Variants in OSBPL1A observed in about 807,000 individuals in gnomAD.
OSBPL1A encodes oxysterol-binding protein-related protein 1.
In OSBPL1A, 80 loss-of-function variants were observed where a neutral mutation model predicts 137.1. The ratio of observed to expected loss-of-function variants is 0.58; its 90% CI spans 0.49 to 0.70. OSBPL1A has a LOEUF of 0.70. OSBPL1A is among the 30% of genes least tolerant of loss of function. OSBPL1A has a pLI of 0.00. For synonymous variants in OSBPL1A, 365 were observed against 389.7 expected, an observed-to-expected ratio of 0.94 and a Z score of 0.75; for missense variants, 970 against 1,129.4, an observed-to-expected ratio of 0.86 and a Z score of 2.02.
At chr18:24,172,709 C>T (rs2086320493) in intron 21 of OSBPL1A, among the ~76,000 whole-genome samples, 1 of 152,120 alleles carries the variant, frequency 6.6e-6, no homozygotes, top group Non-Finnish European at 1.5e-5. Flanking sequence ...AAATTCTATA[C>T]TTCCACCAAA....
intron 15 of OSBPL1A, among the ~76,000 whole-genome samples, chr18:24,244,464 C>T (rs2088821782): frequency 6.6e-6 from 1 of 152,120 alleles, no homozygotes; most frequent in South Asian, 2.1e-4. Context: ...GAATATACAC[C>T]CTCAGTCCAA....
chr18:24,244,760 T>C (rs978790758), intron 15 of OSBPL1A, among the ~76,000 whole-genome samples: 5 of 152,220 alleles, frequency 3.3e-5, no homozygotes, highest in African/African-American at 9.6e-5. Flanking sequence ...ATGCAGAGTT[T>C]TGAAAACAGT....
chr18:24,389,215 C>T (rs1200804220), intron 1 of OSBPL1A, among the ~76,000 whole-genome samples: 1 of 152,096 alleles, frequency 6.6e-6, no homozygotes, highest in Non-Finnish European at 1.5e-5. Context: ...CAATTCCAAG[C>T]TCTGTTTTTA....
Position 24,165,253 on chromosome 18 carries a change from A to C in OSBPL1A, c.2660-98T>G, listed in dbSNP as rs901538615. The stretch of plus-strand genomic sequence containing the variant: ...AACTTCACAAAAGAACCATATCTAC[A>C]TGTTATCTCCCTTTTATTAGAACAC... On this transcript the variant is annotated intron_variant, in intron 26 of 27. Transcript: ENST00000319481. 2.8e-6 allele frequency: 3 copies of C among 1,060,464 alleles called. No individual in the cohort carries two copies. In the African/African-American group the frequency reaches 4.8e-5, roughly 17 times the overall value. The allele number at this position is 1,060,464 out of a possible 1,614,324, so 65.7% of individuals were successfully genotyped here.
chr18:24,298,769 G>A (rs2090344136), intron 14 of OSBPL1A, among the ~76,000 whole-genome samples: 1 of 152,162 alleles, frequency 6.6e-6, no homozygotes, highest in African/African-American at 2.4e-5. Context: ...TGTAGTTTAA[G>A]GCCATTGTTT....
chr18:24,197,535 T>C (rs1359570167), intron 17 of OSBPL1A, among the ~76,000 whole-genome samples: 2 of 152,174 alleles, frequency 1.3e-5, no homozygotes, highest in African/African-American at 4.8e-5. Flanking sequence ...GGAATTCTTC[T>C]AGTTTCTTTT....
chr18:24,366,889 C>G lies in OSBPL1A; in HGVS notation c.282+3G>C, dbSNP rs776591503. 3 of 1,609,088 alleles carry G rather than the reference C, an allele frequency of 1.9e-6. No individual in the cohort carries two copies. Among genetic ancestry groups the G allele is most frequent in the Non-Finnish European group, 2.5e-6 (3 of 1,177,622 alleles). ...CAAACATTGAACATAGAATGATTTTCACCTTTCGTCCTGTAAAGGCAGCTC... is the reference window on the plus strand; with the variant it reads ...CAAACATTGAACATAGAATGATTTTGACCTTTCGTCCTGTAAAGGCAGCTC... On this transcript the variant is annotated splice_donor_region_variant and intron_variant, in intron 4 of 27. Coordinates refer to ENST00000319481, the MANE Select transcript of OSBPL1A (RefSeq NM_080597.4).
At chr18:24,166,730 AAATATGCC>A in intron 25 of OSBPL1A, 28 bp from the exon 26 acceptor site, 2 of 1,601,044 alleles carry the variant, frequency 1.2e-6, no homozygotes, top group South Asian at 2.3e-5. Context: ...GAAGAAATTA[AAATATGCC>A]AAGGCATAAT....
chr18:24,351,963 G>C (rs1050811930), intron 4 of OSBPL1A, among the ~76,000 whole-genome samples: 5 of 152,166 alleles, frequency 3.3e-5, no homozygotes, highest in African/African-American at 9.7e-5. Flanking sequence ...CCAAAATCTA[G>C]TCATAGGCTA....
Position 24,181,129 on chromosome 18 carries a change from C to A in OSBPL1A, c.1812+16G>T. 6.2e-7 allele frequency: 1 copy of A among 1,611,278 alleles called. No individual in the cohort carries two copies. ...AGGTCTCTAAGAGTTAGACCTTTTCCTCCCTTGGCTCATACCTGCATCCTT... is the reference window on the plus strand; with the variant it reads ...AGGTCTCTAAGAGTTAGACCTTTTCATCCCTTGGCTCATACCTGCATCCTT... On this transcript the variant is annotated intron_variant, in intron 19 of 27. Coordinates refer to ENST00000319481, the MANE Select transcript of OSBPL1A (RefSeq NM_080597.4).
intron 18 of OSBPL1A, among the ~76,000 whole-genome samples, chr18:24,182,959 C>T (rs1028208879): frequency 3.3e-5 from 5 of 152,008 alleles, no homozygotes; most frequent in African/African-American, 1.2e-4. Context: ...ACCTCTGGCT[C>T]CCAGGTTCAC....
At chr18:24,256,993 G>GAAAAAAAAAAAAAAAAAAAAAAAA (rs1182823148) in intron 15 of OSBPL1A, among the ~76,000 whole-genome samples, 4 of 75,806 alleles carry the variant, frequency 5.3e-5, no homozygotes, top group African/African-American at 9.6e-5. Flanking sequence ...AAAAAAAAAG[G>GAAAAAAAAAAAAAAAAAAAAAAAA]AAAGATATTC....
rs1233264916 is a variant in OSBPL1A, at chr18:24,250,174, G to GTTTTTTTTTTTTTTTTTTTTTT, written c.1282-10793_1282-10792insAAAAAAAAAAAAAAAAAAAAAA. 2.7e-5 allele frequency among the ~76,000 whole-genome samples: 2 copies of GTTTTTTTTTTTTTTTTTTTTTT among 75,352 alleles called. 1 individual carries two copies. 49.4% of individuals were successfully genotyped at this position (75,352 alleles called of 152,430 possible). On this transcript the variant is annotated intron_variant, in intron 15 of 27. Transcript: ENST00000319481. ...TGTGTTTTTGTTTGTTTGTTTGTTT[G>GTTTTTTTTTTTTTTTTTTTTTT]TTTGTTTGTTTGTTTTTTTTGACAT... is the stretch of plus-strand genomic sequence containing the variant.
chr18:24,367,272 G>A (rs1286016677), intron 3 of OSBPL1A, among the ~76,000 whole-genome samples: 1 of 150,454 alleles, frequency 6.6e-6, no homozygotes, highest in African/African-American at 2.5e-5. Flanking sequence ...GTGTATATAT[G>A]GTAGGTTTTC....
At chr18:24,265,010 T>C (rs2089537520) in intron 15 of OSBPL1A, among the ~76,000 whole-genome samples, 1 of 152,168 alleles carries the variant, frequency 6.6e-6, no homozygotes, top group African/African-American at 2.4e-5. Context: ...TTCATCGGTC[T>C]TATATACTGG....
chr18:24,261,253 G>C (rs2146041830), intron 15 of OSBPL1A, among the ~76,000 whole-genome samples: 1 of 152,242 alleles, frequency 6.6e-6, no homozygotes, highest in East Asian at 1.9e-4. Flanking sequence ...CTGTGGATGG[G>C]GGTGGAAGAA....
intron 15 of OSBPL1A, among the ~76,000 whole-genome samples, chr18:24,250,152 G>GTTTT (rs776133576): frequency 0.39 from 26,947 of 69,442 alleles, 4,452 homozygotes; most frequent in Non-Finnish European, 0.53. Flanking sequence ...GCGTTTGTGT[G>GTTTT]TTTTTGTTTG....
intron 4 of OSBPL1A, among the ~76,000 whole-genome samples, chr18:24,351,373 A>T (rs878932817): frequency 6.7e-6 from 1 of 149,090 alleles, no homozygotes; most frequent in Non-Finnish European, 1.5e-5. Flanking sequence ...AAAAAAAGAC[A>T]TAAAAAAATC....
At chr18:24,311,593 A>C in intron 13 of OSBPL1A, 1 of 674,618 alleles carries the variant, frequency 1.5e-6, no homozygotes, top group Non-Finnish European at 1.8e-6. Context: ...CCAACCAGGA[A>C]AGGTATCACT....
Sources: allele counts gnomAD v4.1 joint callset (sites outside exome capture counted in the v4.1 genomes callset), GRCh38; gene constraint gnomAD v4.1.1; transcripts MANE v1.5; gene names NCBI Gene and HGNC (gene_info 2026-07-23, HGNC 2026-07-21).